The following MAPKAPK3 variants were observed in gnomAD, a reference collection of about 807,000 sequenced individuals.
MAPKAPK3 encodes the protein MAPK activated protein kinase 3, also known as MAP kinase-activated protein kinase 3.
A neutral mutation model predicts 49.2 loss-of-function variants in MAPKAPK3; 35 were observed. That is an observed-to-expected ratio of 0.71 (90% CI 0.54 to 0.94). The LOEUF is 0.94. MAPKAPK3 is among the 40% of genes least tolerant of loss of function. The probability of loss-of-function intolerance (pLI) is 0.00; values close to 1 mark genes in which losing one functional copy is unlikely to be tolerated. For missense variants in MAPKAPK3, 398 were observed against 493.1 expected (o/e 0.81, Z 1.83); for synonymous variants, 178 against 188.7 (o/e 0.94, Z 0.46).
At chr3:50,613,427 T>C (rs1051339522), upstream of MAPKAPK3, among the ~76,000 whole-genome samples, 6 of 152,280 alleles carry the variant, frequency 3.9e-5, no homozygotes, top group African/African-American at 1.4e-4. Flanking sequence ...CCCTCCTGAG[T>C]TGGCCAGAAG....
Position 50,645,805 on chromosome 3 carries a change from C to T in MAPKAPK3, c.704+20C>T. 1 of 1,611,594 alleles carries T rather than the reference C, an allele frequency of 6.2e-7. No individual in the cohort carries two copies. Among genetic ancestry groups the T allele is most frequent in the East Asian group, 2.2e-5 (1 of 44,864 alleles). The stretch of plus-strand genomic sequence containing the variant: ...CATCCTGTGAGTACCTTCCCCACCC[C>T]CTGCCTCCATCTCCTGCCCTTACCC... On this transcript the variant is annotated intron_variant, in intron 7 of 10. Transcript: ENST00000621469.
upstream of MAPKAPK3, chr3:50,611,725 G>A (rs2032333228): frequency 7.0e-7 from 1 of 1,422,102 alleles, no homozygotes; most frequent in South Asian, 1.5e-5. Context: ...AGTGGGCGCG[G>A]AGCGCGTGCT....
At chr3:50,647,777 G>A in intron 10 of MAPKAPK3, 117 bp from the exon 11 acceptor site, 2 of 966,694 alleles carry the variant, frequency 2.1e-6, no homozygotes, top group Non-Finnish European at 3.1e-6. Context: ...CACACAGTGG[G>A]CACAGAGGCA....
At chr3:50,629,955 C>T (rs1182553861) in intron 2 of MAPKAPK3, among the ~76,000 whole-genome samples, 3 of 152,234 alleles carry the variant, frequency 2.0e-5, no homozygotes, top group South Asian at 2.1e-4. Context: ...AGGCTTGGAA[C>T]CTCAGCTACT....
intron 2 of MAPKAPK3, among the ~76,000 whole-genome samples, chr3:50,623,934 C>T (rs1364998723): frequency 2.0e-5 from 3 of 152,258 alleles, no homozygotes; most frequent in Non-Finnish European, 4.4e-5. Context: ...CTGCTCAGTC[C>T]TCCTCACTGT....
chr3:50,647,057 TA>T (rs113444263), intron 9 of MAPKAPK3, 65 bp from the exon 10 acceptor site: 34 of 1,348,040 alleles, frequency 2.5e-5, no homozygotes, highest in Middle Eastern at 3.6e-4. Flanking sequence ...GAGGATGGAG[TA>T]GGGGGAACCA....
At chr3:50,643,831 C>T (rs2033229487) in intron 5 of MAPKAPK3, among the ~76,000 whole-genome samples, 1 of 152,068 alleles carries the variant, frequency 6.6e-6, no homozygotes, top group African/African-American at 2.4e-5. Flanking sequence ...CATGGGCCTA[C>T]ATCCTACCTA....
intron 2 of MAPKAPK3, among the ~76,000 whole-genome samples, chr3:50,639,032 C>T (rs879782294): frequency 6.6e-5 from 10 of 152,204 alleles, no homozygotes; most frequent in Non-Finnish European, 1.3e-4. Context: ...CTGACTTCTT[C>T]TTCTCCCCCT....
rs1392401386 is a variant in MAPKAPK3 at position 50,646,054 on chromosome 3, C to T, written c.705-86C>T. On this transcript the variant is annotated intron_variant, in intron 7 of 10. Coordinates refer to ENST00000621469, the MANE Select transcript of MAPKAPK3 (RefSeq NM_001243925.2). The stretch of plus-strand genomic sequence containing the variant: ...ATTGCTATGGTGTCTGGTTGTCTGT[C>T]TCCCCAGTCAGGGGCTTTTGAGGGG... 19 of 1,505,956 alleles carry T rather than the reference C, an allele frequency of 1.3e-5. No individual in the cohort carries two copies. The African/African-American group carries it at 1.9e-4, about 15-fold the overall frequency. 93.3% of individuals were successfully genotyped at this position (1,505,956 alleles called of 1,614,324 possible).
intron 3 of MAPKAPK3, 124 bp from the exon 4 acceptor site, chr3:50,641,582 TG>T (rs1213105593): frequency 2.6e-6 from 2 of 770,742 alleles, no homozygotes; most frequent in Non-Finnish European, 4.6e-6. Flanking sequence ...AGGCTGACAG[TG>T]GCTGTTCAGT....
chr3:50,640,156 T>G (rs2033142673), intron 2 of MAPKAPK3, among the ~76,000 whole-genome samples: 1 of 152,214 alleles, frequency 6.6e-6, no homozygotes, highest in African/African-American at 2.4e-5. Context: ...TTGAACTACC[T>G]GCCAAGCTGC....
intron 2 of MAPKAPK3, among the ~76,000 whole-genome samples, chr3:50,639,306 G>A (rs377324855): frequency 6.6e-6 from 1 of 152,172 alleles, no homozygotes. Context: ...CCACTCAGCT[G>A]TCATCTCCCT....
chr3:50,629,327 GAGGGGAGGAGTGTAAGGCCATTTCAGGA>G (rs2032844478), intron 2 of MAPKAPK3, among the ~76,000 whole-genome samples: 1 of 152,186 alleles, frequency 6.6e-6, no homozygotes, highest in African/African-American at 2.4e-5. Context: ...GGGAAACAAG[GAGGGGAGGAGTGTAAGGCCATTTCAGGA>G]AGACCCAGGG....
intron 9 of MAPKAPK3, 135 bp from the exon 10 acceptor site, chr3:50,646,988 C>T (rs1404613694): frequency 9.7e-7 from 1 of 1,026,896 alleles, no homozygotes; most frequent in African/African-American, 1.6e-5. Flanking sequence ...TTTGTCACTG[C>T]CCTAGTGAGG....
rs754225374 is a variant in MAPKAPK3, at chr3:50,642,271, G to A, written c.443G>A (p.Arg148Gln). Residue 148 changes from arginine to glutamine, a missense_variant, in exon 5 of 11, where the codon CGG (arginine) becomes CAG (glutamine). Transcript: ENST00000621469. ...TCTGCAGAAGCTGCAGAGATAATGC[G>A]GGATATTGGCACTGCCATCCAGTTT... ...FTEREAAEIM[R>Q]DIGTAIQFLH... The A allele has an allele frequency of 1.1e-5, 17 of 1,613,068 alleles. No individual in the cohort carries two copies. The highest frequency in any genetic ancestry group is 6.6e-5 in the South Asian group (6 of 91,046).
intron 5 of MAPKAPK3, 118 bp from the exon 6 acceptor site, chr3:50,644,291 A>C (rs2107600119): frequency 8.1e-7 from 1 of 1,230,172 alleles, no homozygotes; most frequent in Non-Finnish European, 1.1e-6. Context: ...CTTTTTATAA[A>C]TGGACCTGGC....
chr3:50,628,553 T>A (rs913479640), intron 2 of MAPKAPK3, among the ~76,000 whole-genome samples: 1 of 152,206 alleles, frequency 6.6e-6, no homozygotes, highest in Non-Finnish European at 1.5e-5. Context: ...AAAAATCCCC[T>A]TTTCCTCTTT....
chr3:50,612,837 C>CTTA (rs1372204821), upstream of MAPKAPK3: 1 of 152,154 alleles, frequency 6.6e-6, no homozygotes, highest in East Asian at 1.9e-4. Context: ...AACACTCGCT[C>CTTA]TTATCTACAG....
Position 50,628,083 on chromosome 3 carries a change from C to T in MAPKAPK3, c.219+10299C>T, listed in dbSNP as rs59909173. On this transcript the variant is annotated intron_variant, in intron 2 of 10. Coordinates refer to ENST00000621469, the MANE Select transcript of MAPKAPK3 (RefSeq NM_001243925.2). ...GGGGGTGAGCCAGTGTATCTCCCCACGCCCACTTCTGATTCCTTTGTCATC... is the reference window on the plus strand; with the variant it reads ...GGGGGTGAGCCAGTGTATCTCCCCATGCCCACTTCTGATTCCTTTGTCATC... 8.3e-3 allele frequency among the ~76,000 whole-genome samples: 1,269 copies of T among 152,268 alleles called. 16 individuals are homozygous for T. Among genetic ancestry groups the T allele is most frequent in the East Asian group, 0.035 (182 of 5,178 alleles).
Sources: gnomAD v4.1 joint callset for allele counts (sites outside exome capture counted in the v4.1 genomes callset) on GRCh38, gnomAD v4.1.1 for gene constraint, MANE v1.5 for transcripts, NCBI Gene and HGNC (gene_info 2026-07-23, HGNC 2026-07-21) for gene names.